Variants in STK32B observed in about 807,000 individuals in gnomAD.
STK32B encodes the protein serine/threonine-protein kinase 32B.
Under a neutral mutation model 52.6 loss-of-function variants are expected in STK32B, and 43 were observed. The ratio of observed to expected loss-of-function variants is 0.82; its 90% CI spans 0.64 to 1.05. The LOEUF (loss-of-function observed/expected upper bound fraction) is 1.05, where lower values mean the gene tolerates loss of function less well. Ranked by LOEUF, STK32B falls within the 50% of genes least tolerant of loss-of-function variation. STK32B has a pLI of 0.00. For missense variants in STK32B, 621 were observed against 534.6 expected, an observed-to-expected ratio of 1.16 and a Z score of -1.59; for synonymous variants, 238 against 204.3, an observed-to-expected ratio of 1.17 and a Z score of -1.41.
chr4:5,459,160 C>T (rs1459260485), intron 8 of STK32B, among the ~76,000 whole-genome samples: 2 of 152,214 alleles, frequency 1.3e-5, no homozygotes, highest in Non-Finnish European at 2.9e-5. Context: ...CCCCTGCTAG[C>T]TATCCCTGTG....
intron 6 of STK32B, among the ~76,000 whole-genome samples, chr4:5,442,534 C>T (rs201401060): frequency 0.085 from 12,631 of 149,446 alleles, 844 homozygotes; most frequent in East Asian, 0.39. Context: ...ATACAGCACA[C>T]TGATGGGTCT....
At chr4:5,292,390 A>G (rs1306881517) in intron 3 of STK32B, among the ~76,000 whole-genome samples, 1 of 152,010 alleles carries the variant, frequency 6.6e-6, no homozygotes, top group East Asian at 1.9e-4. Flanking sequence ...TTCTCTGATG[A>G]TTAGTGACAT....
intron 7 of STK32B, among the ~76,000 whole-genome samples, chr4:5,450,693 TA>T (rs2109130229): frequency 6.6e-6 from 1 of 152,292 alleles, no homozygotes; most frequent in South Asian, 2.1e-4. Flanking sequence ...AATTAGTAAT[TA>T]TATCTACCCA....
At chr4:5,217,585 T>TG (rs1409809518) in intron 3 of STK32B, among the ~76,000 whole-genome samples, 1 of 152,216 alleles carries the variant, frequency 6.6e-6, no homozygotes, top group African/African-American at 2.4e-5. Flanking sequence ...TTTGTATTTA[T>TG]GGGGAGTTGC....
intron 2 of STK32B, among the ~76,000 whole-genome samples, chr4:5,155,646 A>T (rs1577114931): frequency 6.6e-6 from 1 of 152,122 alleles, no homozygotes; most frequent in Non-Finnish European, 1.5e-5. Flanking sequence ...GGTTTCCCCC[A>T]TGCTGTTCTC....
intron 4 of STK32B, among the ~76,000 whole-genome samples, chr4:5,392,772 TAAC>T (rs1736665081): frequency 1.3e-5 from 2 of 152,184 alleles, no homozygotes; most frequent in African/African-American, 2.4e-5. Flanking sequence ...CAGCACCTGG[TAAC>T]AAATAGCCAC....
chr4:5,043,774 A>G, the STK32B span, among the ~76,000 whole-genome samples: 1 of 152,232 alleles, frequency 6.6e-6, no homozygotes, highest in African/African-American at 2.4e-5. Context: ...GTTGGCTGGA[A>G]CTTAGTCCCA....
At chr4:5,448,342 T>C (rs1715660231) in intron 7 of STK32B, among the ~76,000 whole-genome samples, 1 of 152,204 alleles carries the variant, frequency 6.6e-6, no homozygotes, top group Non-Finnish European at 1.5e-5. Context: ...TCGGTTCGTT[T>C]CCTGTTAGCT....
chr4:5,024,503 C>G, the STK32B span, among the ~76,000 whole-genome samples: 1 of 152,222 alleles, frequency 6.6e-6, no homozygotes, highest in African/African-American at 2.4e-5. Context: ...TTGGGTTGAG[C>G]TCTAACTGAC....
chr4:5,466,884 G>C, intron 10 of STK32B, 50 bp downstream of exon 10: 1 of 1,582,298 alleles, frequency 6.3e-7, no homozygotes, highest in East Asian at 2.3e-5. Context: ...GTGCTCATAG[G>C]GAAATGACTG....
At chr4:5,447,017 C>T (rs1715517434) in intron 7 of STK32B, 1 of 417,990 alleles carries the variant, frequency 2.4e-6, no homozygotes, top group Non-Finnish European at 4.4e-6. Flanking sequence ...TACACAAAGG[C>T]CCACAGCGGA....
intron 1 of STK32B, among the ~76,000 whole-genome samples, chr4:5,073,919 A>G (rs1338660358): frequency 1.3e-5 from 2 of 151,818 alleles, no homozygotes; most frequent in African/African-American, 4.8e-5. Context: ...CAGTTTCCCT[A>G]TGATATATCA....
At chr4:5,204,529 G>A (rs1412460653) in intron 3 of STK32B, among the ~76,000 whole-genome samples, 1 of 149,902 alleles carries the variant, frequency 6.7e-6, no homozygotes, top group Non-Finnish European at 1.5e-5. Flanking sequence ...GAGAGCAATG[G>A]CATGATCTCG....
intron 3 of STK32B, among the ~76,000 whole-genome samples, chr4:5,311,622 C>G (rs1184648479): frequency 6.6e-6 from 1 of 152,010 alleles, no homozygotes; most frequent in African/African-American, 2.4e-5. Flanking sequence ...GATTCTGCAG[C>G]CATTAAACAG....
intron 4 of STK32B, among the ~76,000 whole-genome samples, chr4:5,390,756 T>A (rs2109035666): frequency 6.6e-6 from 1 of 152,144 alleles, no homozygotes; most frequent in Non-Finnish European, 1.5e-5. Context: ...CTTTTACAGT[T>A]CAGGAGGGGA....
intron 3 of STK32B, among the ~76,000 whole-genome samples, chr4:5,172,363 G>C: frequency 6.6e-6 from 1 of 152,142 alleles, no homozygotes; most frequent in East Asian, 1.9e-4. Context: ...GGAGTGGTGA[G>C]AGAGGGCATC....
chr4:5,398,095 G>A lies in STK32B; in HGVS notation c.435-112G>A. ...CTCCATGTCTGAGGCTTCAGGTCAG[G>A]GAGAGGTGAGCAGCCTGGGTGTTCC... On this transcript the variant is annotated intron_variant, in intron 4 of 11. Coordinates refer to ENST00000282908, the MANE Select transcript of STK32B (RefSeq NM_018401.3). This position sits in a 1 kb window ranked among gnomAD's most constrained non-coding sequence, Gnocchi z 4.9. 1 of 1,149,960 alleles carries A rather than the reference G, an allele frequency of 8.7e-7. No individual in the cohort carries two copies. Among genetic ancestry groups the A allele is most frequent in the Non-Finnish European group, 1.3e-6 (1 of 791,968 alleles). 71.2% of individuals were successfully genotyped at this position (1,149,960 alleles called of 1,614,324 possible). A position where few individuals can be genotyped will look rare whatever the true frequency, so the allele number is the denominator to read the frequency against.
chr4:5,095,009 T>C (rs916306363), intron 1 of STK32B, among the ~76,000 whole-genome samples: 3 of 152,154 alleles, frequency 2.0e-5, no homozygotes, highest in African/African-American at 7.2e-5. Context: ...GGCTCTTCCT[T>C]GAAGAGCTCA....
At chr4:5,200,170 A>G (rs1278528466) in intron 3 of STK32B, among the ~76,000 whole-genome samples, 2 of 152,090 alleles carry the variant, frequency 1.3e-5, no homozygotes, top group Admixed American at 1.3e-4. Context: ...TATTGAATCA[A>G]GCAATGCCCA....
Sources: allele counts gnomAD v4.1 joint callset (sites outside exome capture counted in the v4.1 genomes callset), GRCh38; gene constraint gnomAD v4.1.1; non-coding constraint Gnocchi (gnomAD v3.1); transcripts MANE v1.5; gene names NCBI Gene and HGNC (gene_info 2026-07-23, HGNC 2026-07-21).